The following DPP6 variants were observed in gnomAD, a reference collection of about 807,000 sequenced individuals.
The protein encoded by DPP6 is A-type potassium channel modulatory protein DPP6.
In DPP6, 69 loss-of-function variants were observed where a neutral mutation model predicts 122.6. The ratio of observed to expected loss-of-function variants is 0.56; its 90% CI spans 0.46 to 0.69. DPP6 has a LOEUF of 0.69. Ranked by LOEUF, DPP6 falls within the 30% of genes least tolerant of loss-of-function variation. The probability of loss-of-function intolerance (pLI) is 0.00; values close to 1 mark genes in which losing one functional copy is unlikely to be tolerated. For missense variants in DPP6, 928 were observed against 1,116.9 expected (o/e 0.83, Z 2.41); for synonymous variants, 418 against 433.1 (o/e 0.97, Z 0.43).
intron 1 of DPP6, among the ~76,000 whole-genome samples, chr7:154,401,811 G>A (rs1815628845): frequency 1.3e-5 from 2 of 152,076 alleles, no homozygotes; most frequent in African/African-American, 4.8e-5. Flanking sequence ...TGAACAGGCA[G>A]CCTACAAAAT....
the DPP6 span, among the ~76,000 whole-genome samples, chr7:153,808,378 TGTGTGTGC>T: frequency 1.3e-5 from 2 of 151,208 alleles, no homozygotes; most frequent in South Asian, 2.1e-4. Context: ...TATGTGTGCC[TGTGTGTGC>T]GTGTGTGCCT....
At chr7:154,276,202 G>A (rs560408969) in intron 1 of DPP6, among the ~76,000 whole-genome samples, 22 of 152,066 alleles carry the variant, frequency 1.4e-4, no homozygotes, top group East Asian at 3.9e-4. Context: ...AACCCCATGC[G>A]TAGTTAATAA....
At chr7:154,695,622 C>A (rs1840172606) in intron 7 of DPP6, among the ~76,000 whole-genome samples, 1 of 152,066 alleles carries the variant, frequency 6.6e-6, no homozygotes. Context: ...TGGAAGGCTT[C>A]CTCCAGGAGA....
intron 1 of DPP6, among the ~76,000 whole-genome samples, chr7:154,068,015 G>C (rs1252228451): frequency 1.3e-5 from 2 of 150,994 alleles, no homozygotes; most frequent in African/African-American, 4.9e-5. Context: ...TCCCACCTCG[G>C]TCTCCCAAAG....
intron 1 of DPP6, among the ~76,000 whole-genome samples, chr7:154,342,380 T>C (rs1810009377): frequency 6.6e-6 from 1 of 152,156 alleles, no homozygotes; most frequent in Admixed American, 6.5e-5. Flanking sequence ...GGCCTTCACA[T>C]GTTTGGGGGT....
chr7:154,425,654 G>GTGTA, intron 1 of DPP6, among the ~76,000 whole-genome samples: 1 of 148,092 alleles, frequency 6.8e-6, no homozygotes, highest in Non-Finnish European at 1.5e-5. Context: ...GTGTGTGTGT[G>GTGTA]TTTACTGAGA....
intron 1 of DPP6, among the ~76,000 whole-genome samples, chr7:154,406,429 G>GCA (rs10610650): frequency 6.0e-5 from 9 of 149,734 alleles, no homozygotes; most frequent in South Asian, 2.1e-4. Flanking sequence ...ACACACGCAT[G>GCA]CACACACACA....
chr7:153,932,442 A>G (rs1801217397), intron 1 of DPP6, among the ~76,000 whole-genome samples: 1 of 151,936 alleles, frequency 6.6e-6, no homozygotes, highest in Non-Finnish European at 1.5e-5. Flanking sequence ...GTTTATATGA[A>G]CTATAAGCCA....
At chr7:154,825,028 T>C (rs1280156399) in intron 16 of DPP6, among the ~76,000 whole-genome samples, 1 of 152,260 alleles carries the variant, frequency 6.6e-6, no homozygotes, top group Non-Finnish European at 1.5e-5. Flanking sequence ...TTTTTAAATG[T>C]TGACAACCCA....
At chr7:154,331,997 C>T (rs1808985661) in intron 1 of DPP6, among the ~76,000 whole-genome samples, 1 of 151,764 alleles carries the variant, frequency 6.6e-6, no homozygotes, top group Non-Finnish European at 1.5e-5. Flanking sequence ...GGTCTGTGAC[C>T]AAAGATCATA....
At chr7:154,623,233 T>A (rs557534836) in intron 5 of DPP6, among the ~76,000 whole-genome samples, 4 of 152,214 alleles carry the variant, frequency 2.6e-5, no homozygotes, top group Non-Finnish European at 5.9e-5. Context: ...CCTGAGGGTG[T>A]ATGCTGTTGC....
chr7:153,895,632 A>AG (rs749610855), intron 1 of DPP6, among the ~76,000 whole-genome samples: 1 of 151,770 alleles, frequency 6.6e-6, no homozygotes, highest in South Asian at 2.1e-4. Context: ...GTCCTATTGG[A>AG]CACAAAATCT....
intron 1 of DPP6, among the ~76,000 whole-genome samples, chr7:154,121,284 T>C (rs1451235894): frequency 1.3e-5 from 2 of 152,216 alleles, no homozygotes; most frequent in East Asian, 1.9e-4. Flanking sequence ...TGCTCTATTA[T>C]TTATTGTTTC....
chr7:154,187,035 C>G (rs1052882257), intron 1 of DPP6, among the ~76,000 whole-genome samples: 11 of 152,166 alleles, frequency 7.2e-5, no homozygotes, highest in Admixed American at 4.6e-4. Flanking sequence ...CTGGCAGTGC[C>G]ATGACTCAGT....
intron 1 of DPP6, among the ~76,000 whole-genome samples, chr7:154,174,351 A>G (rs12537303): frequency 0.45 from 68,472 of 152,236 alleles, 17,066 homozygotes; most frequent in East Asian, 0.6. Context: ...TAAAAAATGC[A>G]TAGCATAGAA....
At chr7:154,156,846 C>T (rs929271529) in intron 1 of DPP6, among the ~76,000 whole-genome samples, 6 of 146,716 alleles carry the variant, frequency 4.1e-5, no homozygotes, top group African/African-American at 1.6e-4. Flanking sequence ...AAAATTTAGC[C>T]AAAGGAGACC....
the DPP6 span, among the ~76,000 whole-genome samples, chr7:153,761,973 G>A: frequency 6.6e-6 from 1 of 152,160 alleles, no homozygotes; most frequent in South Asian, 2.1e-4. Context: ...AGAGTGGTCA[G>A]TGTGGTTTAG....
At chr7:153,933,023 C>T (rs774087627) in intron 1 of DPP6, among the ~76,000 whole-genome samples, 15 of 152,248 alleles carry the variant, frequency 9.9e-5, no homozygotes, top group African/African-American at 2.4e-4. Context: ...TCTTGCCTGC[C>T]GCCATGTAAG....
At chr7:154,797,668 A>G (rs1381530902) in intron 12 of DPP6, among the ~76,000 whole-genome samples, 1 of 152,174 alleles carries the variant, frequency 6.6e-6, no homozygotes, top group Non-Finnish European at 1.5e-5. Flanking sequence ...CTTAATGAAC[A>G]GGGGTTTATT....
Sources: gnomAD v4.1 joint callset for allele counts (sites outside exome capture counted in the v4.1 genomes callset) on GRCh38, gnomAD v4.1.1 for gene constraint, MANE v1.5 for transcripts, NCBI Gene and HGNC (gene_info 2026-07-23, HGNC 2026-07-21) for gene names.